The following CYTIP variants were observed in gnomAD, a reference collection of about 807,000 sequenced individuals.
CYTIP encodes the protein cytohesin 1 interacting protein.
Under a neutral mutation model 43.8 loss-of-function variants are expected in CYTIP, and 26 were observed. The observed-to-expected ratio is 0.59, with a 90% CI of 0.44 to 0.82. The LOEUF (loss-of-function observed/expected upper bound fraction) is 0.82, where lower values mean the gene tolerates loss of function less well. Among genes scored for constraint, CYTIP ranks in the 40% least tolerant of loss-of-function variants. CYTIP has a pLI of 0.00. For missense variants in CYTIP, 426 were observed against 443.1 expected (o/e 0.96, Z 0.35); for synonymous variants, 162 against 162.9 (o/e 0.99, Z 0.04).
intron 2 of CYTIP, 28 bp downstream of exon 2, chr2:157,434,670 G>A (rs1336573470): frequency 6.4e-7 from 1 of 1,553,530 alleles, no homozygotes; most frequent in Non-Finnish European, 8.9e-7. Context: ...TATTTTGGGA[G>A]AGACAAAAAA....
intron 3 of CYTIP, among the ~76,000 whole-genome samples, chr2:157,431,841 T>A (rs1295843103): frequency 6.6e-6 from 1 of 152,178 alleles, no homozygotes; most frequent in African/African-American, 2.4e-5. Flanking sequence ...TGATGTCTGA[T>A]GTTCATTCTT....
intron 6 of CYTIP, among the ~76,000 whole-genome samples, chr2:157,422,961 A>G (rs1419007960): frequency 6.6e-6 from 1 of 152,138 alleles, no homozygotes; most frequent in Non-Finnish European, 1.5e-5. Flanking sequence ...ATAAAGACCT[A>G]TGAAATAGTC....
intron 6 of CYTIP, among the ~76,000 whole-genome samples, chr2:157,425,579 A>G (rs1364899152): frequency 6.6e-6 from 1 of 152,180 alleles, no homozygotes; most frequent in Non-Finnish European, 1.5e-5. Flanking sequence ...AAGTATGTAC[A>G]TTAAAACTTA....
intron 1 of CYTIP, among the ~76,000 whole-genome samples, chr2:157,437,260 C>T (rs1685824597): frequency 6.6e-6 from 1 of 151,812 alleles, no homozygotes; most frequent in Non-Finnish European, 1.5e-5. Flanking sequence ...AAACAATTAA[C>T]AGAGTGAAAA....
chr2:157,418,291 A>G (rs765258597), intron 7 of CYTIP, among the ~76,000 whole-genome samples: 8 of 152,160 alleles, frequency 5.3e-5, no homozygotes, highest in Non-Finnish European at 1.2e-4. Flanking sequence ...GAGCATGTGC[A>G]TCTGTGTGCA....
In CYTIP at chr2:157,416,016, CT is replaced by C. The variant is rs752683990; in HGVS notation, c.740del (p.Lys247ArgfsTer4). The C allele has an allele frequency of 8.7e-6, 14 of 1,614,128 alleles. No individual in the cohort carries two copies. On this transcript the variant is annotated frameshift_variant, in exon 8 of 8. Transcript: ENST00000264192. LOFTEE classifies it high-confidence loss of function. ...RNRLSSESSC[K>X]SWLSSMTMDS... ...CCATCGTCATGGAGCTCAGCCAGCT[CT>C]TACAGCTGCTCTCACTGGATAATCG...
intron 3 of CYTIP, 91 bp from the exon 4 acceptor site, chr2:157,431,053 G>A (rs1685707829): frequency 1.0e-6 from 1 of 992,296 alleles, no homozygotes; most frequent in Non-Finnish European, 1.5e-6. Context: ...TCATTAAGCA[G>A]TATAATAGGT....
intron 3 of CYTIP, among the ~76,000 whole-genome samples, chr2:157,432,783 T>G (rs1400752720): frequency 1.3e-5 from 2 of 152,186 alleles, no homozygotes. Context: ...TTTCAAAAAG[T>G]TCCCAGAAGC....
intron 1 of CYTIP, among the ~76,000 whole-genome samples, chr2:157,442,623 T>C (rs1288891912): frequency 1.3e-5 from 2 of 152,210 alleles, no homozygotes; most frequent in Non-Finnish European, 2.9e-5. Context: ...TCAGACAGGT[T>C]GTAGATTGAT....
intron 3 of CYTIP, among the ~76,000 whole-genome samples, 181 bp from the exon 4 acceptor site, chr2:157,431,143 A>C (rs769834178): frequency 9.9e-5 from 15 of 152,246 alleles, no homozygotes; most frequent in Non-Finnish European, 1.2e-4. Flanking sequence ...ATCTGTAGCC[A>C]ACTCCATTCA....
At chr2:157,441,991 G>C (rs116341442) in intron 1 of CYTIP, among the ~76,000 whole-genome samples, 1 of 152,072 alleles carries the variant, frequency 6.6e-6, no homozygotes, top group African/African-American at 2.4e-5. Flanking sequence ...GCAGCCCAGC[G>C]CTGAGATCTC....
At chr2:157,420,213 CAGT>C (rs1685497476) in intron 6 of CYTIP, among the ~76,000 whole-genome samples, 1 of 151,984 alleles carries the variant, frequency 6.6e-6, no homozygotes, top group African/African-American at 2.4e-5. Context: ...TGGTGCACAC[CAGT>C]TCTTAAGAGG....
intron 1 of CYTIP, among the ~76,000 whole-genome samples, chr2:157,441,535 T>C (rs1021003548): frequency 6.6e-6 from 1 of 152,134 alleles, no homozygotes; most frequent in African/African-American, 2.4e-5. Context: ...TGAGAACATC[T>C]GCATAAATTA....
At chr2:157,424,302 A>G (rs1685568879) in intron 6 of CYTIP, among the ~76,000 whole-genome samples, 1 of 152,200 alleles carries the variant, frequency 6.6e-6, no homozygotes, top group African/African-American at 2.4e-5. Context: ...TCACATGTCT[A>G]TTAACGTCAA....
At chr2:157,439,934 T>C (rs1479825828) in intron 1 of CYTIP, among the ~76,000 whole-genome samples, 1 of 152,212 alleles carries the variant, frequency 6.6e-6, no homozygotes, top group African/African-American at 2.4e-5. Context: ...CAGCTGTCAA[T>C]TTCTGAAAGA....
chr2:157,436,770 T>TA (rs960448609), intron 1 of CYTIP, among the ~76,000 whole-genome samples: 1 of 151,958 alleles, frequency 6.6e-6, no homozygotes, highest in African/African-American at 2.4e-5. Flanking sequence ...GAGAAATAGA[T>TA]AAAAATAAAT....
chr2:157,432,814 G>A (rs1685733978), intron 3 of CYTIP, among the ~76,000 whole-genome samples: 1 of 152,134 alleles, frequency 6.6e-6, no homozygotes, highest in African/African-American at 2.4e-5. Flanking sequence ...TTTGTTAACT[G>A]CTGCAAATCT....
intron 6 of CYTIP, among the ~76,000 whole-genome samples, chr2:157,419,796 A>G (rs796373418): frequency 3.3e-4 from 50 of 152,366 alleles, no homozygotes; most frequent in African/African-American, 1.1e-3. Flanking sequence ...TTGGAGAAGG[A>G]TTAAAGGAAA....
At chr2:157,418,331 G>A (rs1357228689) in intron 7 of CYTIP, among the ~76,000 whole-genome samples, 192 bp downstream of exon 7, 1 of 152,130 alleles carries the variant, frequency 6.6e-6, no homozygotes, top group African/African-American at 2.4e-5. Context: ...ACGCAGTAGT[G>A]GATCTGACTT....
Sources: allele counts gnomAD v4.1 joint callset (sites outside exome capture counted in the v4.1 genomes callset), GRCh38; gene constraint gnomAD v4.1.1; transcripts MANE v1.5; gene names NCBI Gene and HGNC (gene_info 2026-07-23, HGNC 2026-07-21).